Variants in NBAS observed in about 807,000 individuals in gnomAD.
NBAS encodes NAG/BC035112 fusion.
NBAS carries 219 observed loss-of-function variants against 302.5 expected under a neutral mutation model. The observed-to-expected ratio is 0.72, with a 90% CI of 0.65 to 0.81. The LOEUF (loss-of-function observed/expected upper bound fraction) is 0.81, where lower values mean the gene tolerates loss of function less well. NBAS is among the 30% of genes least tolerant of loss of function. NBAS has a pLI of 0.00. For missense variants in NBAS, 2,932 were observed against 2,841.6 expected (o/e 1.03, Z -0.72); for synonymous variants, 1,118 against 1,021.6 (o/e 1.09, Z -1.80).
intron 26 of NBAS, among the ~76,000 whole-genome samples, chr2:15,400,660 T>C (rs1332879265): frequency 6.6e-6 from 1 of 152,214 alleles, no homozygotes; most frequent in Non-Finnish European, 1.5e-5. Flanking sequence ...AACAGCTGCT[T>C]ATCAGCTGAT....
the NBAS span, among the ~76,000 whole-genome samples, chr2:15,141,525 C>T: frequency 2.3e-3 from 346 of 152,274 alleles, no homozygotes; most frequent in Non-Finnish European, 3.5e-3. Context: ...AGGCCTGAGA[C>T]GATGTCATTC....
chr2:15,100,207 AC>A, the NBAS span, among the ~76,000 whole-genome samples: 1 of 152,190 alleles, frequency 6.6e-6, no homozygotes, highest in African/African-American at 2.4e-5. Context: ...ATAAAGAACT[AC>A]TTTCATGTGA....
At chr2:14,794,314 T>C in the NBAS span, among the ~76,000 whole-genome samples, 2 of 152,240 alleles carry the variant, frequency 1.3e-5, no homozygotes, top group African/African-American at 4.8e-5. Flanking sequence ...GTCATGTTTT[T>C]CAATTGACGG....
the NBAS span, among the ~76,000 whole-genome samples, chr2:15,159,094 C>T: frequency 6.6e-6 from 1 of 152,178 alleles, no homozygotes; most frequent in Non-Finnish European, 1.5e-5. Context: ...GCTTGAAAGC[C>T]TCTGCCCTTC....
the NBAS span, among the ~76,000 whole-genome samples, chr2:14,902,576 C>T: frequency 6.6e-6 from 1 of 152,074 alleles, no homozygotes; most frequent in African/African-American, 2.4e-5. Flanking sequence ...TGGAAAATGG[C>T]CAGGGAGATG....
chr2:15,459,096 A>G (rs1679387803), intron 21 of NBAS, among the ~76,000 whole-genome samples: 1 of 152,210 alleles, frequency 6.6e-6, no homozygotes, highest in African/African-American at 2.4e-5. Context: ...GGTACTGTGC[A>G]GCTCTTTTGC....
At chr2:15,207,329 T>G (rs1666194965) in intron 48 of NBAS, among the ~76,000 whole-genome samples, 1 of 152,196 alleles carries the variant, frequency 6.6e-6, no homozygotes, top group Non-Finnish European at 1.5e-5. Flanking sequence ...ATGTCTGTAC[T>G]CCCATTGTAT....
intron 47 of NBAS, among the ~76,000 whole-genome samples, chr2:15,231,781 T>A (rs1383699857): frequency 1.3e-5 from 2 of 152,198 alleles, no homozygotes; most frequent in Non-Finnish European, 2.9e-5. Context: ...TCTATCATAT[T>A]TTCAATTAAA....
intron 27 of NBAS, among the ~76,000 whole-genome samples, chr2:15,395,119 T>C (rs1432698440): frequency 6.6e-6 from 1 of 152,090 alleles, no homozygotes; most frequent in African/African-American, 2.4e-5. Flanking sequence ...TTAAGCTAAA[T>C]AGTGAAACCT....
At chr2:15,175,089 C>T (rs1664472336) in intron 51 of NBAS, among the ~76,000 whole-genome samples, 1 of 152,104 alleles carries the variant, frequency 6.6e-6, no homozygotes, top group African/African-American at 2.4e-5. Context: ...GCCTCAGACT[C>T]CCGAGTAGCT....
intron 48 of NBAS, among the ~76,000 whole-genome samples, chr2:15,214,209 T>C (rs549948344): frequency 6.6e-6 from 1 of 152,354 alleles, no homozygotes; most frequent in South Asian, 2.1e-4. Flanking sequence ...TTGATATTCA[T>C]TTATTCAACA....
chr2:15,471,325 C>G (rs1015417868), intron 16 of NBAS, among the ~76,000 whole-genome samples: 3 of 152,178 alleles, frequency 2.0e-5, no homozygotes, highest in Non-Finnish European at 4.4e-5. Flanking sequence ...TCTTTCACCT[C>G]TGATATCTTG....
chr2:14,872,017 A>G, the NBAS span, among the ~76,000 whole-genome samples: 1 of 152,198 alleles, frequency 6.6e-6, no homozygotes, highest in Non-Finnish European at 1.5e-5. Flanking sequence ...ACATGTATAG[A>G]TACTCACATT....
At chr2:15,302,218 A>G (rs1007467374) in intron 40 of NBAS, among the ~76,000 whole-genome samples, 15 of 152,220 alleles carry the variant, frequency 9.9e-5, no homozygotes, top group African/African-American at 3.4e-4. Context: ...TTGCATCTTG[A>G]TAGGAAAAAC....
intron 20 of NBAS, 80 bp from the exon 21 acceptor site, chr2:15,461,417 C>G (rs1380121409): frequency 6.7e-7 from 1 of 1,492,018 alleles, no homozygotes; most frequent in African/African-American, 1.4e-5. Flanking sequence ...CATTCAAAAA[C>G]TAACTTTTTT....
At chr2:15,068,051 T>C in the NBAS span, among the ~76,000 whole-genome samples, 1 of 152,218 alleles carries the variant, frequency 6.6e-6, no homozygotes, top group Admixed American at 6.5e-5. Flanking sequence ...ACTTCTAGAA[T>C]TGTTCTAATT....
chr2:15,355,289 T>C (rs1673558429), intron 33 of NBAS, among the ~76,000 whole-genome samples: 1 of 152,016 alleles, frequency 6.6e-6, no homozygotes, highest in Admixed American at 6.6e-5. Flanking sequence ...CATGGAAAGC[T>C]GACAATTTAG....
the NBAS span, among the ~76,000 whole-genome samples, chr2:15,050,049 G>T: frequency 6.6e-6 from 1 of 152,186 alleles, no homozygotes; most frequent in Non-Finnish European, 1.5e-5. Context: ...TGTGGCCTCA[G>T]ACAAATTCCG....
At chr2:14,989,636 A>C in the NBAS span, among the ~76,000 whole-genome samples, 2 of 152,344 alleles carry the variant, frequency 1.3e-5, no homozygotes, top group Non-Finnish European at 2.9e-5. Context: ...AATGAATGGC[A>C]TAAATTTTAG....
Sources: gnomAD v4.1 joint callset for allele counts (sites outside exome capture counted in the v4.1 genomes callset) on GRCh38, gnomAD v4.1.1 for gene constraint, MANE v1.5 for transcripts, NCBI Gene and HGNC (gene_info 2026-07-23, HGNC 2026-07-21) for gene names.